The following FANCI variants were observed in gnomAD, a reference collection of about 807,000 sequenced individuals.
FANCI encodes FA complementation group I.
Under a neutral mutation model 176.1 loss-of-function variants are expected in FANCI, and 156 were observed. The ratio of observed to expected loss-of-function variants is 0.89; its 90% CI spans 0.78 to 1.01. The LOEUF (loss-of-function observed/expected upper bound fraction) is 1.01. Among genes scored for constraint, FANCI ranks in the 50% least tolerant of loss-of-function variants. FANCI has a pLI of 0.00. For missense variants in FANCI, 1,678 were observed against 1,534.1 expected (o/e 1.09, Z -1.57); for synonymous variants, 613 against 541.7 (o/e 1.13, Z -1.83).
intron 6 of FANCI, among the ~76,000 whole-genome samples, chr15:89,262,286 A>C (rs1057206952): frequency 6.6e-6 from 1 of 151,558 alleles, no homozygotes; most frequent in Admixed American, 6.6e-5. Context: ...TATACAAGTG[A>C]TGTATCCTTT....
intron 1 of FANCI, chr15:89,245,901 T>G (rs1344021338): frequency 1.3e-5 from 2 of 152,384 alleles, no homozygotes; most frequent in Non-Finnish European, 2.9e-5. Flanking sequence ...AGGAAACGAT[T>G]GCAGTAGTTC....
At chr15:89,272,845 C>T (rs978865942) in intron 10 of FANCI, among the ~76,000 whole-genome samples, 1 of 151,890 alleles carries the variant, frequency 6.6e-6, no homozygotes, top group Non-Finnish European at 1.5e-5. Context: ...AATTTTTGTA[C>T]TTTACAAGAC....
At chr15:89,300,247 CAA>C in intron 25 of FANCI, 51 bp from the exon 26 acceptor site, 1 of 1,563,656 alleles carries the variant, frequency 6.4e-7, no homozygotes, top group Middle Eastern at 1.7e-4. Flanking sequence ...ATTAAAAGGC[CAA>C]AAAGTATGAG....
At chr15:89,276,912 C>T in intron 13 of FANCI, 21 bp downstream of exon 13, 1 of 1,613,716 alleles carries the variant, frequency 6.2e-7, no homozygotes, top group Non-Finnish European at 8.5e-7. Flanking sequence ...ATTTTGGCAA[C>T]CACTCCCTAA....
chr15:89,281,299 A>G lies in FANCI; in HGVS notation c.1511A>G (p.Gln504Arg). 1.9e-6 allele frequency: 3 copies of G among 1,613,696 alleles called. No homozygotes were observed. The South Asian group carries it at 3.3e-5, about 18-fold the overall frequency. The change falls in exon 15 of 38, where the codon CAG (glutamine) becomes CGG (arginine). Residue 504 changes from glutamine to arginine, a missense_variant and splice_region_variant. This residue lies in a region of FANCI where 1,204 missense variants were observed against 1,077.4 expected (regional missense o/e 1.12). Transcript: ENST00000310775. ...QTVQRLLKAV[Q>R]PLLKVSMSMR... The stretch of plus-strand genomic sequence containing the variant: ...GTACAAAGGCTGCTTAAGGCAGTGC[A>G]GGTAAGTCTTCAGATTCCCAAGTAA...
At chr15:89,289,152 T>C (rs900549549) in intron 18 of FANCI, among the ~76,000 whole-genome samples, 3 of 152,196 alleles carry the variant, frequency 2.0e-5, no homozygotes, top group African/African-American at 7.2e-5. Flanking sequence ...GTACTATGTA[T>C]CTCTGTATGC....
Position 89,305,327 on chromosome 15 carries a change from C to T in FANCI, c.3187-14C>T. 6.2e-7 allele frequency: 1 copy of T among 1,614,198 alleles called. No individual in the cohort carries two copies. The highest frequency in any genetic ancestry group is 8.5e-7 in the Non-Finnish European group (1 of 1,180,040). ...CTTACTGTCATTAGGTCTCACCTCT[C>T]TTCTTTTCCCCAGGATGTAGAGGTG... On this transcript the variant is annotated splice_polypyrimidine_tract_variant and intron_variant, in intron 29 of 37. Coordinates refer to ENST00000310775, the MANE Select transcript of FANCI (RefSeq NM_001113378.2).
chr15:89,279,486 C>A (rs2053534213), intron 14 of FANCI, among the ~76,000 whole-genome samples: 1 of 152,130 alleles, frequency 6.6e-6, no homozygotes, highest in African/African-American at 2.4e-5. Context: ...TACATAACTC[C>A]TAATGTCTAA....
At chr15:89,287,585 T>G (rs1269991443) in intron 18 of FANCI, among the ~76,000 whole-genome samples, 1 of 152,254 alleles carries the variant, frequency 6.6e-6, no homozygotes, top group Non-Finnish European at 1.5e-5. Context: ...ACTTGGCTCT[T>G]TGGTGCAAGA....
At chr15:89,306,410 G>A (rs1352962834) in intron 32 of FANCI, among the ~76,000 whole-genome samples, 3 of 152,000 alleles carry the variant, frequency 2.0e-5, no homozygotes, top group Non-Finnish European at 4.4e-5. Context: ...TCTGCTTTTG[G>A]GCCTGTCACG....
intron 20 of FANCI, 134 bp from the exon 21 acceptor site, chr15:89,292,554 A>T (rs2054107995): frequency 2.3e-6 from 2 of 881,094 alleles, no homozygotes; most frequent in Non-Finnish European, 3.5e-6. Flanking sequence ...GTTAATTTAG[A>T]TGGACTTAAT....
In FANCI at chr15:89,290,231, C is replaced by G; in HGVS notation, c.1840C>G (p.Arg614Gly). ...MLYEGFYDVL[R>G]RNSQLANSVM... is the part of the protein sequence containing the mutation. ...CTCTTAGGGGTTTTATGATGTTCTT[C>G]GAAGGAACTCTCAGCTGGCTAATTC... Residue 614 changes from arginine to glycine, a missense_variant, in exon 19 of 38, where the codon CGA becomes GGA. By Grantham distance (125) the Arg-to-Gly change is moderately radical. Coordinates refer to ENST00000310775, the MANE Select transcript of FANCI (RefSeq NM_001113378.2). The G allele has an allele frequency of 6.2e-7, 1 of 1,613,770 alleles. No homozygotes were observed. The highest frequency in any genetic ancestry group is 8.5e-7 in the Non-Finnish European group (1 of 1,179,722).
rs1205906508 is a variant in FANCI, at chr15:89,292,873, T to C, written c.2169+9T>C. On this transcript the variant is annotated intron_variant, in intron 21 of 37. Transcript: ENST00000310775. ...TGGAAGACTTTGAACTGGTAATTGC[T>C]AAGTCCTCAGCTGTATTGAATGATG... 2 of 1,614,128 alleles carry C rather than the reference T, an allele frequency of 1.2e-6. No homozygotes were observed. The highest frequency in any genetic ancestry group is 1.7e-6 in the Non-Finnish European group (2 of 1,180,000).
intron 23 of FANCI, among the ~76,000 whole-genome samples, chr15:89,294,399 G>A (rs1456340236): frequency 5.9e-5 from 9 of 152,060 alleles, no homozygotes; most frequent in Non-Finnish European, 1.3e-4. Context: ...AGCCATGACC[G>A]ATATGGTGCG....
chr15:89,254,795 A>G lies in FANCI; in HGVS notation c.85-3909A>G, dbSNP rs139594172. Reference sequence around the variant, plus strand: ...CCACTGCAGTCCAGCCAGGGTGACAAAGAAGACTCTGTCTCTAAGGTAAGT... The same window carrying G: ...CCACTGCAGTCCAGCCAGGGTGACAGAGAAGACTCTGTCTCTAAGGTAAGT... On this transcript the variant is annotated intron_variant, in intron 2 of 37. Transcript: ENST00000310775. 3.2e-3 allele frequency among the ~76,000 whole-genome samples: 491 copies of G among 152,244 alleles called. 1 individual carries two copies. Among genetic ancestry groups the G allele is most frequent in the Non-Finnish European group, 5.8e-3 (395 of 68,006 alleles).
Position 89,300,393 on chromosome 15 carries a change from G to A in FANCI, c.2889+8G>A. On this transcript the variant is annotated splice_region_variant and intron_variant, in intron 26 of 37. Transcript: ENST00000310775. ...CAGATCCGGCAATTTCAGGTGAGAA[G>A]CCTTGCAAAGCTGCTGTACTGGCCT... 6.2e-7 allele frequency: 1 copy of A among 1,612,440 alleles called. No homozygotes were observed.
chr15:89,274,229 G>C lies in FANCI; in HGVS notation c.1037G>C (p.Gly346Ala), dbSNP rs1046699492. The C allele has an allele frequency of 5.0e-6, 8 of 1,609,752 alleles. No homozygotes were observed. Among genetic ancestry groups the C allele is most frequent in the Non-Finnish European group, 5.9e-6 (7 of 1,177,840 alleles). Residue 346 changes from glycine (G) to alanine (A), a missense_variant, in exon 12 of 38, where the codon GGC becomes GCC. Physicochemically the swap from Gly to Ala is moderately conservative, Grantham distance 60 (BLOSUM62 0). Transcript: ENST00000310775. ...TTTAAGGATCTTCAACTCCTCCAAG[G>C]CTCAAAATTTCTTCAGAATCTAGTT... ...KSFKDLQLLQ[G>A]SKFLQNLVPH...
intron 18 of FANCI, among the ~76,000 whole-genome samples, chr15:89,288,339 A>G (rs775608847): frequency 6.6e-5 from 10 of 152,164 alleles, no homozygotes; most frequent in East Asian, 5.8e-4. Flanking sequence ...TTCCCCCCCA[A>G]AAAAAATCTT....
intron 34 of FANCI, among the ~76,000 whole-genome samples, chr15:89,308,620 G>A (rs903217155): frequency 7.2e-5 from 11 of 152,276 alleles, no homozygotes; most frequent in South Asian, 2.1e-4. Flanking sequence ...CTCATTATGT[G>A]TATTCAGGGT....
Sources: allele counts gnomAD v4.1 joint callset (sites outside exome capture counted in the v4.1 genomes callset), GRCh38; gene constraint gnomAD v4.1.1; regional missense constraint gnomAD v4.1.1; transcripts MANE v1.5; gene names NCBI Gene and HGNC (gene_info 2026-07-23, HGNC 2026-07-21).